The following KIF16B variants were observed in gnomAD, a reference collection of about 807,000 sequenced individuals.
KIF16B encodes the protein kinesin family member 16B.
KIF16B carries 98 observed loss-of-function variants against 156.3 expected under a neutral mutation model. The observed-to-expected ratio is 0.63, with a 90% confidence interval of 0.53 to 0.74. The LOEUF is 0.74. KIF16B is among the 30% of genes least tolerant of loss of function. The probability of loss-of-function intolerance (pLI) is 0.00; values close to 1 mark genes in which losing one functional copy is unlikely to be tolerated. For synonymous variants in KIF16B, 564 were observed against 583.7 expected (o/e 0.97, Z 0.49); for missense variants, 1,421 against 1,606.5 (o/e 0.88, Z 1.97).
chr20:16,463,238 G>A (rs2146692400), intron 12 of KIF16B, among the ~76,000 whole-genome samples: 1 of 152,246 alleles, frequency 6.6e-6, no homozygotes, highest in Admixed American at 6.5e-5. Flanking sequence ...CACTCCTTGT[G>A]TGTCCACGTC....
chr20:16,288,963 T>A (rs2063272499), intron 25 of KIF16B, among the ~76,000 whole-genome samples: 1 of 98,446 alleles, frequency 1.0e-5, no homozygotes, highest in African/African-American at 4.1e-5. Context: ...ACTGCAGAGA[T>A]GCTCCTCCAC....
intron 25 of KIF16B, among the ~76,000 whole-genome samples, chr20:16,296,339 T>A (rs1541067): frequency 0.26 from 39,622 of 152,094 alleles, 5,373 homozygotes; most frequent in Non-Finnish European, 0.28. Context: ...TAGTGATGCC[T>A]TGCTTTATCT....
At chr20:16,422,803 C>T (rs957146193) in intron 15 of KIF16B, among the ~76,000 whole-genome samples, 2 of 152,062 alleles carry the variant, frequency 1.3e-5, no homozygotes, top group Non-Finnish European at 2.9e-5. Context: ...AAGATGGAAA[C>T]ATATTTTTCC....
intron 23 of KIF16B, among the ~76,000 whole-genome samples, chr20:16,347,574 AT>A (rs377058164): frequency 0.048 from 7,281 of 152,056 alleles, 216 homozygotes; most frequent in Non-Finnish European, 0.076. Context: ...AGAAAAAAAA[AT>A]TTTTTTTCAC....
chr20:16,283,238 T>C (rs2063173740), intron 25 of KIF16B, among the ~76,000 whole-genome samples: 1 of 152,214 alleles, frequency 6.6e-6, no homozygotes, highest in Non-Finnish European at 1.5e-5. Flanking sequence ...CCTGTTTTCC[T>C]GGGGTGGGCT....
chr20:16,538,824 T>C (rs1340495727), intron 1 of KIF16B, among the ~76,000 whole-genome samples: 5 of 152,180 alleles, frequency 3.3e-5, no homozygotes, highest in Non-Finnish European at 5.9e-5. Flanking sequence ...GGATTTCTCA[T>C]GAATGGTTCA....
intron 25 of KIF16B, among the ~76,000 whole-genome samples, chr20:16,275,993 T>G (rs1292844501): frequency 6.6e-6 from 1 of 152,246 alleles, no homozygotes; most frequent in Admixed American, 6.5e-5. Context: ...GACTTGTGCA[T>G]GGAGCCACTG....
At chr20:16,440,553 AC>A (rs2066769630) in intron 12 of KIF16B, among the ~76,000 whole-genome samples, 1 of 93,828 alleles carries the variant, frequency 1.1e-5, no homozygotes, top group Non-Finnish European at 2.3e-5. Context: ...ACACACACAC[AC>A]ACACACACAC....
chr20:16,555,454 G>A (rs546615300), intron 1 of KIF16B, among the ~76,000 whole-genome samples: 6 of 152,280 alleles, frequency 3.9e-5, no homozygotes, highest in East Asian at 1.9e-4. Flanking sequence ...GCAAAAGTTC[G>A]GGATTATGAG....
Position 16,406,373 on chromosome 20 carries a change from C to T in KIF16B, c.1695+1G>A, listed in dbSNP as rs1423064069. 1 of 1,613,356 alleles carries T rather than the reference C, an allele frequency of 6.2e-7. No individual in the cohort carries two copies. Among genetic ancestry groups the T allele is most frequent in the East Asian group, 2.2e-5 (1 of 44,858 alleles). On this transcript the variant is annotated splice_donor_variant, in intron 16 of 25. Transcript: ENST00000354981. LOFTEE classifies it high-confidence loss of function. ...CCTCCTAGAGACGCCGTGTCCCTCA[C>T]CTTCCTCTTCTCCCTGAGCTTGGCG... is the stretch of plus-strand genomic sequence containing the variant.
chr20:16,383,425 A>C lies in KIF16B; in HGVS notation c.1785-1678T>G, dbSNP rs541297289. Among the ~76,000 whole-genome samples, 5 of 152,326 alleles carry C rather than the reference A, an allele frequency of 3.3e-5. No homozygotes were observed. In the South Asian group the frequency reaches 1.0e-3, roughly 32 times the overall value. The stretch of plus-strand genomic sequence containing the variant: ...TTCAAATTTGTGATATTAAAGTATT[A>C]AATATTTCATTGAAACCTGTTAGAT... On this transcript the variant is annotated intron_variant, in intron 17 of 25. Transcript: ENST00000354981.
At chr20:16,445,713 C>T (rs534249473) in intron 12 of KIF16B, among the ~76,000 whole-genome samples, 17 of 152,256 alleles carry the variant, frequency 1.1e-4, no homozygotes, top group Non-Finnish European at 1.9e-4. Flanking sequence ...TACACGGTGA[C>T]ACTAAGTCCA....
At chr20:16,308,902 G>A (rs2063578675) in intron 25 of KIF16B, among the ~76,000 whole-genome samples, 1 of 152,194 alleles carries the variant, frequency 6.6e-6, no homozygotes, top group African/African-American at 2.4e-5. Context: ...TACCTCCACT[G>A]CTCTATCTGC....
chr20:16,322,173 T>C (rs1293685147), intron 24 of KIF16B, among the ~76,000 whole-genome samples: 1 of 151,910 alleles, frequency 6.6e-6, no homozygotes, highest in Non-Finnish European at 1.5e-5. Flanking sequence ...AAGACAAAAT[T>C]CCTATGGAAC....
At position 16,543,796 on chromosome 20, in the gene KIF16B, A is replaced by G. The variant is rs576339848; in HGVS notation, c.48-15356T>C. Among the ~76,000 whole-genome samples, 7 of 152,294 alleles carry G rather than the reference A, an allele frequency of 4.6e-5. No homozygotes were observed. The South Asian group carries it at 1.4e-3, about 32-fold the overall frequency. Reference sequence around the variant, plus strand: ...CAAGAGATGGACTTGGAAGAAGGAGACTTAGCCCATGACATCACCTCACAT... The same window carrying G: ...CAAGAGATGGACTTGGAAGAAGGAGGCTTAGCCCATGACATCACCTCACAT... On this transcript the variant is annotated intron_variant, in intron 1 of 25. Transcript: ENST00000354981.
At chr20:16,283,280 T>G (rs1051426604) in intron 25 of KIF16B, among the ~76,000 whole-genome samples, 1 of 152,238 alleles carries the variant, frequency 6.6e-6, no homozygotes, top group Non-Finnish European at 1.5e-5. Context: ...TTGCACCCAG[T>G]GCTGGGCAGG....
chr20:16,553,350 A>G lies in KIF16B; in HGVS notation c.47+19879T>C, dbSNP rs1387211954. 3.9e-5 allele frequency among the ~76,000 whole-genome samples: 6 copies of G among 152,182 alleles called. No homozygotes were observed. In the East Asian group the frequency reaches 1.2e-3, roughly 29 times the overall value. On this transcript the variant is annotated intron_variant, in intron 1 of 25. Coordinates refer to ENST00000354981, the MANE Select transcript of KIF16B (RefSeq NM_024704.5). ...TGACCCCCACGCTGTCACGCCTTGA[A>G]TGCAACATTATTAACTAGAGAACTT...
At chr20:16,280,841 C>CGCGCGTGT (rs112026824) in intron 25 of KIF16B, among the ~76,000 whole-genome samples, 24 of 74,434 alleles carry the variant, frequency 3.2e-4, no homozygotes, top group African/African-American at 1.1e-3. Flanking sequence ...TGCGCGCGCA[C>CGCGCGTGT]GTGTGTGTGT....
chr20:16,412,700 C>T (rs1240778843), intron 15 of KIF16B, among the ~76,000 whole-genome samples: 1 of 152,076 alleles, frequency 6.6e-6, no homozygotes, highest in Non-Finnish European at 1.5e-5. Flanking sequence ...CCCCATGATT[C>T]AACTATCTCC....
Sources: allele counts gnomAD v4.1 joint callset (sites outside exome capture counted in the v4.1 genomes callset), GRCh38; gene constraint gnomAD v4.1.1; transcripts MANE v1.5; gene names NCBI Gene and HGNC (gene_info 2026-07-23, HGNC 2026-07-21).